The following WDFY2 variants were observed in gnomAD, a reference collection of about 807,000 sequenced individuals.
The protein encoded by WDFY2 is WD repeat and FYVE domain-containing protein 2.
WDFY2 carries 36 observed loss-of-function variants against 56.4 expected under a neutral mutation model. The observed-to-expected ratio is 0.64, with a 90% confidence interval of 0.49 to 0.84. The LOEUF is 0.84. WDFY2 is among the 40% of genes least tolerant of loss of function. The pLI is 0.00. For synonymous variants in WDFY2, 176 were observed against 183.7 expected (o/e 0.96, Z 0.34); for missense variants, 444 against 512.2 (o/e 0.87, Z 1.29).
chr13:51,734,025 G>C (rs1952781313), intron 6 of WDFY2, among the ~76,000 whole-genome samples: 1 of 152,110 alleles, frequency 6.6e-6, no homozygotes, highest in East Asian at 1.9e-4. Context: ...GCAATCAAAA[G>C]GTCAGATATT....
At chr13:51,633,961 G>A (rs766106155) in intron 1 of WDFY2, among the ~76,000 whole-genome samples, 7 of 152,180 alleles carry the variant, frequency 4.6e-5, no homozygotes, top group Non-Finnish European at 1.0e-4. Flanking sequence ...TTCAGTGACA[G>A]GAGAGAATCG....
intron 3 of WDFY2, among the ~76,000 whole-genome samples, chr13:51,686,547 C>CA (rs1397076053): frequency 6.6e-6 from 1 of 151,894 alleles, no homozygotes; most frequent in East Asian, 1.9e-4. Context: ...CCATTTTTGA[C>CA]AAAAAAGATT....
chr13:51,631,568 T>C (rs558552811), intron 1 of WDFY2, among the ~76,000 whole-genome samples: 1 of 152,310 alleles, frequency 6.6e-6, no homozygotes, highest in Non-Finnish European at 1.5e-5. Flanking sequence ...CATTTTCTTT[T>C]CTTCTCCTTA....
In WDFY2 at chr13:51,767,267, C is replaced by G. The variant is rs1953779274; in HGVS notation, c.*7498C>G. On this transcript the variant is annotated 3_prime_UTR_variant, in exon 12 of 12. Transcript: ENST00000298125. ...TCGCCCACACCCAGCATTGCTGAGG[C>G]CCATCATCCTCCTGCAGAAAAGGAG... 1 of 152,264 alleles carries G rather than the reference C, an allele frequency of 6.6e-6. No individual in the cohort carries two copies. The highest frequency in any genetic ancestry group is 2.1e-4 in the South Asian group (1 of 4,830). 9.4% of individuals were successfully genotyped at this position (152,264 alleles called of 1,614,324 possible). A position where few individuals can be genotyped will look rare whatever the true frequency, so the allele number is the denominator to read the frequency against.
intron 2 of WDFY2, 131 bp from the exon 3 acceptor site, chr13:51,675,039 G>A (rs568083776): frequency 1.8e-5 from 13 of 726,568 alleles, no homozygotes; most frequent in Non-Finnish European, 3.0e-5. Flanking sequence ...TTTGGTGAGT[G>A]GATGTTAAAT....
intron 1 of WDFY2, among the ~76,000 whole-genome samples, chr13:51,618,585 A>G (rs760792506): frequency 4.6e-5 from 7 of 152,250 alleles, no homozygotes; most frequent in Non-Finnish European, 8.8e-5. Flanking sequence ...CTTGAAAATG[A>G]TTAGTGAGTG....
chr13:51,617,159 C>CT (rs956950904), intron 1 of WDFY2, among the ~76,000 whole-genome samples: 2 of 152,148 alleles, frequency 1.3e-5, no homozygotes, highest in African/African-American at 4.8e-5. Context: ...AGTGTTAACT[C>CT]TAACAGAACT....
intron 3 of WDFY2, among the ~76,000 whole-genome samples, chr13:51,692,267 G>T (rs537602511): frequency 2.0e-5 from 3 of 152,292 alleles, no homozygotes; most frequent in Admixed American, 2.0e-4. Context: ...TCCCTGTCTT[G>T]TGCCAGTTTT....
rs17075823 is a variant in WDFY2, at chr13:51,593,045, T to C, written c.137+8221T>C. On this transcript the variant is annotated intron_variant, in intron 1 of 11. Transcript: ENST00000298125. ...GCACAGTGACTGTTAGTATTTCATATATTTCCTTCTAGTAGTTTCTCTAAT... is the reference window on the plus strand; with the variant it reads ...GCACAGTGACTGTTAGTATTTCATACATTTCCTTCTAGTAGTTTCTCTAAT... 9.6e-3 allele frequency among the ~76,000 whole-genome samples: 1,460 copies of C among 152,326 alleles called. 29 individuals carry two copies. Among genetic ancestry groups the C allele is most frequent in the African/African-American group, 0.033 (1,360 of 41,568 alleles).
At chr13:51,656,289 T>A (rs1250100284) in intron 1 of WDFY2, among the ~76,000 whole-genome samples, 2 of 152,060 alleles carry the variant, frequency 1.3e-5, no homozygotes, top group Non-Finnish European at 2.9e-5. Context: ...CTAATTTTCT[T>A]AGTAACTTCT....
intron 1 of WDFY2, among the ~76,000 whole-genome samples, chr13:51,615,726 C>A (rs1200371502): frequency 6.6e-6 from 1 of 152,088 alleles, no homozygotes; most frequent in Non-Finnish European, 1.5e-5. Flanking sequence ...AACGACTTTG[C>A]AAAGTAATAT....
intron 1 of WDFY2, among the ~76,000 whole-genome samples, chr13:51,614,639 G>T (rs1333095724): frequency 6.6e-6 from 1 of 152,154 alleles, no homozygotes; most frequent in East Asian, 1.9e-4. Context: ...TACCAGCTGT[G>T]CCTGTTCTCT....
At chr13:51,720,942 T>TTCTC (rs71749521) in intron 5 of WDFY2, among the ~76,000 whole-genome samples, 2,740 of 147,918 alleles carry the variant, frequency 0.019, 73 homozygotes, top group African/African-American at 0.061. Flanking sequence ...TCATTCTGTC[T>TTCTC]TCTCTCTCTC....
At chr13:51,595,647 C>T (rs981033273) in intron 1 of WDFY2, among the ~76,000 whole-genome samples, 1 of 152,046 alleles carries the variant, frequency 6.6e-6, no homozygotes, top group South Asian at 2.1e-4. Context: ...TGAAATGCTT[C>T]CCCTTTTTTG....
At chr13:51,697,941 A>AT (rs1483750514) in intron 3 of WDFY2, among the ~76,000 whole-genome samples, 4 of 152,314 alleles carry the variant, frequency 2.6e-5, no homozygotes, top group Admixed American at 1.3e-4. Context: ...TTCTTAATCC[A>AT]TTTTTTTAAA....
chr13:51,685,952 T>G (rs918672955), intron 3 of WDFY2, among the ~76,000 whole-genome samples: 3 of 152,146 alleles, frequency 2.0e-5, no homozygotes, highest in Non-Finnish European at 2.9e-5. Context: ...CATCCAGAAG[T>G]TCGTTCTCCT....
chr13:51,748,533 G>A lies in WDFY2; in HGVS notation c.726-2777G>A, dbSNP rs140506863. On this transcript the variant is annotated intron_variant, in intron 7 of 11. Transcript: ENST00000298125. Reference sequence around the variant, plus strand: ...CAATGTCTGGTTATATAATCAAAGCGGTAAAACATTTAAAAATAAACATAG... The same window carrying A: ...CAATGTCTGGTTATATAATCAAAGCAGTAAAACATTTAAAAATAAACATAG... 2.8e-4 allele frequency among the ~76,000 whole-genome samples: 43 copies of A among 152,136 alleles called. No individual in the cohort carries two copies. In the East Asian group the frequency reaches 5.8e-3, roughly 20 times the overall value.
intron 2 of WDFY2, among the ~76,000 whole-genome samples, chr13:51,662,045 A>G (rs554580300): frequency 1.3e-5 from 2 of 152,112 alleles, no homozygotes; most frequent in South Asian, 2.1e-4. Flanking sequence ...ATCTTGGCTC[A>G]CTGCAACCTC....
At chr13:51,691,192 TTAG>T (rs1239522171) in intron 3 of WDFY2, among the ~76,000 whole-genome samples, 3 of 152,182 alleles carry the variant, frequency 2.0e-5, no homozygotes, top group Non-Finnish European at 1.5e-5. Context: ...CAGAAGCTCT[TTAG>T]TTTAATTGGA....
Sources: allele counts gnomAD v4.1 joint callset (sites outside exome capture counted in the v4.1 genomes callset), GRCh38; gene constraint gnomAD v4.1.1; transcripts MANE v1.5; gene names NCBI Gene and HGNC (gene_info 2026-07-23, HGNC 2026-07-21).